Variants in HEPHL1 observed in about 807,000 individuals in gnomAD.
HEPHL1 encodes the protein ferroxidase HEPHL1.
HEPHL1 carries 123 observed loss-of-function variants against 122.0 expected under a neutral mutation model. That is an observed-to-expected ratio of 1.01 (90% CI 0.87 to 1.17). The LOEUF (loss-of-function observed/expected upper bound fraction) is 1.17. Ranked by LOEUF, HEPHL1 falls within the 50% of genes most tolerant of loss-of-function variation. The probability of loss-of-function intolerance (pLI) is 0.00; values close to 1 mark genes in which losing one functional copy is unlikely to be tolerated. For missense variants in HEPHL1, 1,452 were observed against 1,430.5 expected, an observed-to-expected ratio of 1.01 and a Z score of -0.24; for synonymous variants, 527 against 508.9, an observed-to-expected ratio of 1.04 and a Z score of -0.48.
At chr11:94,031,835 T>C (rs184686423) in intron 1 of HEPHL1, among the ~76,000 whole-genome samples, 14 of 152,312 alleles carry the variant, frequency 9.2e-5, no homozygotes, top group African/African-American at 3.4e-4. Context: ...AATCAGATGC[T>C]CTGGGCAGAT....
At chr11:94,021,579 C>T in intron 1 of HEPHL1, 41 bp downstream of exon 1, 1 of 1,478,684 alleles carries the variant, frequency 6.8e-7, no homozygotes, top group East Asian at 2.3e-5. Flanking sequence ...CAGGTTTGGC[C>T]TCTTTTTGAC....
intron 2 of HEPHL1, chr11:94,055,034 G>C (rs1945924625): frequency 6.4e-6 from 1 of 156,066 alleles, no homozygotes; most frequent in African/African-American, 2.4e-5. Context: ...TACTGGGGCA[G>C]CTGGAGGGGC....
rs80045003 is a variant in HEPHL1, at chr11:94,026,923, A to T, written c.170+5385A>T. Among the ~76,000 whole-genome samples the T allele has an allele frequency of 1.6e-3, 250 of 152,330 alleles. 5 individuals are homozygous for T. In the East Asian group the frequency reaches 0.041, roughly 25 times the overall value. On this transcript the variant is annotated intron_variant, in intron 1 of 19. Coordinates refer to ENST00000315765, the MANE Select transcript of HEPHL1 (RefSeq NM_001098672.2). ...GTGACAGTACTTGCTTTGAGGGTGT[A>T]TCAGTTTTCTGTGGCTGCTGTAACA...
intron 1 of HEPHL1, among the ~76,000 whole-genome samples, chr11:94,044,913 C>T (rs902451331): frequency 6.6e-6 from 1 of 151,850 alleles, no homozygotes. Context: ...GCATGAGCCA[C>T]TATGCCTGGC....
intron 10 of HEPHL1, among the ~76,000 whole-genome samples, chr11:94,083,083 T>TG (rs1555065529): frequency 2.8e-5 from 4 of 142,246 alleles, no homozygotes; most frequent in Non-Finnish European, 4.6e-5. Flanking sequence ...AGACTCCGTC[T>TG]AAAAAAAAAA....
chr11:94,066,001 T>C (rs879890528), intron 4 of HEPHL1, among the ~76,000 whole-genome samples: 1 of 151,880 alleles, frequency 6.6e-6, no homozygotes, highest in African/African-American at 2.4e-5. Flanking sequence ...CTGGGCAACA[T>C]AGGTAGATCC....
chr11:94,027,128 C>T (rs1001004477), intron 1 of HEPHL1, among the ~76,000 whole-genome samples: 1 of 152,120 alleles, frequency 6.6e-6, no homozygotes, highest in Non-Finnish European at 1.5e-5. Context: ...GTGGCTGCAT[C>T]ACTCTGATCT....
chr11:94,046,178 TC>T (rs1218566057), intron 2 of HEPHL1, among the ~76,000 whole-genome samples: 3 of 138,604 alleles, frequency 2.2e-5, no homozygotes, highest in African/African-American at 8.1e-5. Flanking sequence ...CACTGCAACC[TC>T]CGTCTCCCTG....
At chr11:94,085,711 T>A (rs974762501) in intron 10 of HEPHL1, among the ~76,000 whole-genome samples, 4 of 152,236 alleles carry the variant, frequency 2.6e-5, no homozygotes, top group Non-Finnish European at 5.9e-5. Context: ...AATTATTTCA[T>A]AAACAATCTG....
At chr11:94,100,196 A>C (rs1028082666) in intron 13 of HEPHL1, among the ~76,000 whole-genome samples, 2 of 152,180 alleles carry the variant, frequency 1.3e-5, no homozygotes, top group African/African-American at 4.8e-5. Flanking sequence ...AAAATTGAAA[A>C]TAATAACCGT....
intron 12 of HEPHL1, among the ~76,000 whole-genome samples, chr11:94,092,924 C>G (rs76826366): frequency 0.024 from 3,689 of 152,170 alleles, 153 homozygotes; most frequent in African/African-American, 0.085. Flanking sequence ...CTTTCTAGAA[C>G]ATAACTAGGG....
chr11:94,076,932 C>T (rs542735722), intron 9 of HEPHL1, among the ~76,000 whole-genome samples: 3 of 152,312 alleles, frequency 2.0e-5, no homozygotes, highest in African/African-American at 7.2e-5. Flanking sequence ...TTCTGTTTCT[C>T]TCTTTGAATC....
At chr11:94,072,923 G>C in intron 6 of HEPHL1, 102 bp from the exon 7 acceptor site, 2 of 1,062,590 alleles carry the variant, frequency 1.9e-6, no homozygotes. Context: ...TGGGGACATG[G>C]GTGGGCGAGT....
intron 1 of HEPHL1, among the ~76,000 whole-genome samples, chr11:94,044,241 G>A (rs914192798): frequency 6.6e-5 from 10 of 152,136 alleles, no homozygotes; most frequent in Admixed American, 2.6e-4. Flanking sequence ...TCTGCCCTAC[G>A]TCTAGGTCCC....
At chr11:94,069,034 C>T (rs1325262856) in intron 5 of HEPHL1, among the ~76,000 whole-genome samples, 1 of 152,118 alleles carries the variant, frequency 6.6e-6, no homozygotes, top group Admixed American at 6.6e-5. Context: ...ACTAGATGCT[C>T]TTCTGGGAAA....
intron 2 of HEPHL1, among the ~76,000 whole-genome samples, chr11:94,061,688 G>A (rs1463825702): frequency 6.6e-6 from 1 of 152,110 alleles, no homozygotes; most frequent in Admixed American, 6.6e-5. Flanking sequence ...AAATGATTCT[G>A]TCAAAATACT....
intron 16 of HEPHL1, 85 bp downstream of exon 16, chr11:94,104,835 T>C: frequency 9.7e-7 from 1 of 1,026,954 alleles, no homozygotes; most frequent in Non-Finnish European, 1.4e-6. Context: ...AGCATCCTTC[T>C]CTGAGCCTTT....
At position 94,103,059 on chromosome 11, in the gene HEPHL1, T is replaced by G. The variant is rs1054098290; in HGVS notation, c.2682+39T>G. The G allele has an allele frequency of 6.8e-6, 8 of 1,183,026 alleles. No homozygotes were observed. In the African/African-American group the frequency reaches 1.1e-4, roughly 16 times the overall value. The allele number at this position is 1,183,026 out of a possible 1,614,324, so 73.3% of individuals were successfully genotyped here. On this transcript the variant is annotated intron_variant, in intron 15 of 19. Transcript: ENST00000315765. ...AGCAACCAAAAGGCTTAAAATAATTTGGATGAAAGTTGACTACTTGGGTCA... is the reference window on the plus strand; with the variant it reads ...AGCAACCAAAAGGCTTAAAATAATTGGGATGAAAGTTGACTACTTGGGTCA...
intron 13 of HEPHL1, among the ~76,000 whole-genome samples, chr11:94,097,696 T>C (rs1946329416): frequency 6.6e-6 from 1 of 151,658 alleles, no homozygotes; most frequent in Non-Finnish European, 1.5e-5. Context: ...TGAATCTGGG[T>C]GCTCCTGTAT....
Sources: gnomAD v4.1 joint callset for allele counts (sites outside exome capture counted in the v4.1 genomes callset) on GRCh38, gnomAD v4.1.1 for gene constraint, MANE v1.5 for transcripts, NCBI Gene and HGNC (gene_info 2026-07-23, HGNC 2026-07-21) for gene names.